The following MYBPC1 variants were observed in gnomAD, a reference collection of about 807,000 sequenced individuals.
MYBPC1 encodes myosin-binding protein C, slow-type.
MYBPC1 carries 52 observed loss-of-function variants against 147.1 expected under a neutral mutation model. The observed-to-expected ratio is 0.35, with a 90% CI of 0.28 to 0.45. MYBPC1 has a LOEUF of 0.45. MYBPC1 is among the 20% of genes least tolerant of loss of function. The pLI is 1.00. For synonymous variants in MYBPC1, 477 were observed against 475.9 expected (o/e 1.00, Z -0.03); for missense variants, 1,228 against 1,440.3 (o/e 0.85, Z 2.39).
chr12:101,650,218 A>G (rs1207534988), intron 15 of MYBPC1, among the ~76,000 whole-genome samples: 4 of 152,224 alleles, frequency 2.6e-5, no homozygotes, highest in Non-Finnish European at 5.9e-5. Flanking sequence ...CATTTCTAAA[A>G]ATAATTATGC....
At chr12:101,665,703 G>C (rs547119665) in intron 22 of MYBPC1, among the ~76,000 whole-genome samples, 2 of 152,058 alleles carry the variant, frequency 1.3e-5, no homozygotes, top group African/African-American at 4.8e-5. Context: ...TCCCCCTCTG[G>C]TCTTGTTTCG....
intron 30 of MYBPC1, among the ~76,000 whole-genome samples, chr12:101,683,569 G>A (rs958254162): frequency 2.0e-5 from 3 of 152,118 alleles, no homozygotes; most frequent in African/African-American, 7.2e-5. Flanking sequence ...TCACGTTTAT[G>A]AACTTAAAAG....
intron 20 of MYBPC1, 83 bp downstream of exon 20, chr12:101,661,345 G>A: frequency 1.2e-6 from 1 of 866,904 alleles, no homozygotes. Flanking sequence ...ACATTTTAAA[G>A]TATTGCATTT....
chr12:101,625,639 G>A (rs538289923), intron 3 of MYBPC1, among the ~76,000 whole-genome samples: 3 of 152,250 alleles, frequency 2.0e-5, no homozygotes, highest in Admixed American at 1.3e-4. Context: ...AAACAATACC[G>A]ACGTTCTTTT....
In MYBPC1 at chr12:101,631,577, A is replaced by G. The variant is rs1889906136; in HGVS notation, c.296A>G (p.Asp99Gly). Reference sequence around the variant, plus strand: ...TCCCTTATGCTTCTTCTAGGTGAAGATATCACCTTCATAGCCAAAGTCAAG... The same window carrying G: ...TCCCTTATGCTTCTTCTAGGTGAAGGTATCACCTTCATAGCCAAAGTCAAG... ...PQGGTVKVGEDITFIAKVKAE... is the reference protein window; with the variant it reads ...PQGGTVKVGEGITFIAKVKAE... Residue 99 changes from aspartate to glycine, a missense_variant, in exon 7 of 32, where the codon GAT becomes GGT. Asp to Gly is a moderately conservative substitution (Grantham distance 94, BLOSUM62 -1). This residue lies in a region of MYBPC1 where 151 missense variants were observed against 126.1 expected (regional missense o/e 1.20). Transcript: ENST00000361466. The G allele has an allele frequency of 3.1e-6, 5 of 1,613,762 alleles. No homozygotes were observed. Among genetic ancestry groups the G allele is most frequent in the African/African-American group, 1.3e-5 (1 of 74,928 alleles).
At chr12:101,678,986 T>C (rs1299875254) in intron 28 of MYBPC1, among the ~76,000 whole-genome samples, 2 of 151,834 alleles carry the variant, frequency 1.3e-5, no homozygotes, top group Admixed American at 1.3e-4. Context: ...TGGTCTCTAC[T>C]AAAAATAGAA....
intron 16 of MYBPC1, 72 bp downstream of exon 16, chr12:101,651,465 T>C: frequency 6.3e-7 from 1 of 1,580,690 alleles, no homozygotes; most frequent in Non-Finnish European, 8.7e-7. Context: ...AAATTACATA[T>C]TTGGTGAGGA....
intron 2 of MYBPC1, among the ~76,000 whole-genome samples, chr12:101,615,277 T>C (rs898250960): frequency 4.6e-5 from 7 of 152,154 alleles, no homozygotes; most frequent in Admixed American, 2.0e-4. Context: ...TCAGAGTCAT[T>C]TATCAGCCAA....
At chr12:101,674,619 AG>A (rs930879595) in intron 25 of MYBPC1, among the ~76,000 whole-genome samples, 4 of 152,082 alleles carry the variant, frequency 2.6e-5, no homozygotes, top group Non-Finnish European at 5.9e-5. Flanking sequence ...CTGTAATACC[AG>A]CACTTTGGGA....
Position 101,615,802 on chromosome 12 carries a change from T to G in MYBPC1, c.61+1271T>G, listed in dbSNP as rs143748383. Among the ~76,000 whole-genome samples, 1,055 of 152,036 alleles carry G rather than the reference T, an allele frequency of 6.9e-3. 32 individuals are homozygous for G. The South Asian group carries it at 0.1, about 14-fold the overall frequency. On this transcript the variant is annotated intron_variant, in intron 2 of 31. Transcript: ENST00000361466. ...GCAGGAGTTTGGAGAAGGTCTCAGT[T>G]TCTAATCATCTTTTCACACAAAAAC...
chr12:101,661,389 T>C, intron 20 of MYBPC1, 127 bp downstream of exon 20: 1 of 672,610 alleles, frequency 1.5e-6, no homozygotes, highest in Non-Finnish European at 2.7e-6. Context: ...ACTTTATGCA[T>C]TCAAAATGAA....
chr12:101,623,635 T>C (rs825063), intron 3 of MYBPC1, among the ~76,000 whole-genome samples: 72,688 of 152,012 alleles, frequency 0.48, 17,908 homozygotes, highest in East Asian at 0.67. Context: ...GTCCAGTTTA[T>C]ATTTAATAAA....
chr12:101,652,628 A>G, intron 16 of MYBPC1, 50 bp from the exon 17 acceptor site: 1 of 1,365,412 alleles, frequency 7.3e-7, no homozygotes, highest in Non-Finnish European at 1.0e-6. Context: ...TGGGTCATAT[A>G]TAAACTAGAT....
chr12:101,643,519 G>C (rs1239478734), intron 11 of MYBPC1, among the ~76,000 whole-genome samples: 1 of 151,918 alleles, frequency 6.6e-6, no homozygotes. Flanking sequence ...TAAAAGCTAG[G>C]GTTTATTTTA....
At chr12:101,691,806 C>G in the MYBPC1 span, among the ~76,000 whole-genome samples, 1 of 152,168 alleles carries the variant, frequency 6.6e-6, no homozygotes, top group Admixed American at 6.5e-5. Context: ...TGATGGATGT[C>G]TACTGGATGC....
chr12:101,681,584 ATATATATATTTTTTTTTTTTTTTT>A (rs1404864730), intron 29 of MYBPC1, among the ~76,000 whole-genome samples: 2 of 26,572 alleles, frequency 7.5e-5, no homozygotes, highest in South Asian at 1.9e-3. Context: ...ATATATATAT[ATATATATATTTTTTTTTTTTTTTT>A]TTTTTTTTTT....
At chr12:101,669,718 C>T (rs954220746) in intron 23 of MYBPC1, among the ~76,000 whole-genome samples, 1 of 152,066 alleles carries the variant, frequency 6.6e-6, no homozygotes, top group Non-Finnish European at 1.5e-5. Flanking sequence ...AGGTGGATCA[C>T]CTGAGGTCAC....
intron 11 of MYBPC1, among the ~76,000 whole-genome samples, chr12:101,643,274 G>T (rs760160119): frequency 7.2e-5 from 11 of 152,014 alleles, no homozygotes; most frequent in Non-Finnish European, 1.3e-4. Context: ...CTTTATTTCT[G>T]AACTTCCTGG....
rs1896230973 is a variant in MYBPC1 at position 101,659,884 on chromosome 12, C to G, written c.1927+53C>G. ...AGAATCAAGCTGACATGTCAAGATT[C>G]AGAGTAGACTTTCCTTCTTTGTCCT... is the stretch of plus-strand genomic sequence containing the variant. On this transcript the variant is annotated intron_variant, in intron 19 of 31. Coordinates refer to ENST00000361466, the MANE Select transcript of MYBPC1 (RefSeq NM_002465.4). 2.5e-6 allele frequency: 4 copies of G among 1,596,210 alleles called. No homozygotes were observed. In the South Asian group the frequency reaches 3.3e-5, roughly 13 times the overall value.
Sources: gnomAD v4.1 joint callset for allele counts (sites outside exome capture counted in the v4.1 genomes callset) on GRCh38, gnomAD v4.1.1 for gene constraint, gnomAD v4.1.1 regional missense constraint, MANE v1.5 for transcripts, NCBI Gene and HGNC (gene_info 2026-07-23, HGNC 2026-07-21) for gene names.